The following C3orf22 variants were observed in gnomAD, a reference collection of about 807,000 sequenced individuals.
C3orf22 encodes chromosome 3 open reading frame 22, also known as uncharacterized protein C3orf22.
C3orf22 carries 7 observed loss-of-function variants against 10.8 expected under a neutral mutation model. The observed-to-expected ratio is 0.65, with a 90% confidence interval of 0.37 to 1.22. The LOEUF (loss-of-function observed/expected upper bound fraction) is 1.22, where lower values mean the gene tolerates loss of function less well. Ranked by LOEUF, C3orf22 falls within the 50% of genes most tolerant of loss-of-function variation. The probability of loss-of-function intolerance (pLI) is 0.02; values close to 1 mark genes in which losing one functional copy is unlikely to be tolerated. For synonymous variants in C3orf22, 79 were observed against 78.9 expected, an observed-to-expected ratio of 1.00 and a Z score of 0.00; for missense variants, 173 against 177.0, an observed-to-expected ratio of 0.98 and a Z score of 0.13.
At chr3:126,544,910 C>T (rs1559751394), downstream of C3orf22, among the ~76,000 whole-genome samples, 1 of 152,272 alleles carries the variant, frequency 6.6e-6, no homozygotes, top group South Asian at 2.1e-4. Context: ...TGTGCAGGGC[C>T]ACAGCCCAGG....
At chr3:126,542,815 G>C (rs775826869) in intron 4 of C3orf22, 126 of 454,696 alleles carry the variant, frequency 2.8e-4, no homozygotes, top group Admixed American at 1.7e-3. Flanking sequence ...TCCTCCACTT[G>C]CTCCAGCTGA....
Position 126,539,625 on chromosome 3 carries a change from ACACACACACCCCACACAC to A in C3orf22, c.286+9894_286+9911del, listed in dbSNP as rs796124081. On this transcript the variant is annotated intron_variant and NMD_transcript_variant, in intron 4 of 5. Coordinates refer to the C3orf22 transcript ENST00000505070. ...ACACACTCCACACCACACACACAGC[ACACACACACCCCACACAC>A]CACACACACCCCACACTATACACAC... 1.6e-4 allele frequency among the ~76,000 whole-genome samples: 21 copies of A among 133,534 alleles called. No homozygotes were observed. In the South Asian group the frequency reaches 3.8e-3, roughly 24 times the overall value. The allele number at this position is 133,534 out of a possible 152,430, so 87.6% of individuals were successfully genotyped here.
intron 4 of C3orf22, among the ~76,000 whole-genome samples, chr3:126,544,098 G>A (rs186213520): frequency 5.8e-4 from 88 of 152,372 alleles, no homozygotes; most frequent in African/African-American, 2.0e-3. Context: ...GGTCATGAGA[G>A]CTCTTCCCTC....
In C3orf22 at chr3:126,536,435, C is replaced by T. The variant is rs569497772; in HGVS notation, c.287-7063G>A. On this transcript the variant is annotated intron_variant and NMD_transcript_variant, in intron 4 of 5. Coordinates refer to the C3orf22 transcript ENST00000505070. ...GACAGCAACAGTGCAGACCTGCTGG[C>T]ATGAGACTGGACCCCACACTGGGGC... 1.5e-4 allele frequency: 159 copies of T among 1,078,434 alleles called. 3 individuals carry two copies. The South Asian group carries it at 2.1e-3, about 14-fold the overall frequency. The allele number at this position is 1,078,434 out of a possible 1,614,324, so 66.8% of individuals were successfully genotyped here.
At chr3:126,548,139 C>A (rs940710503), downstream of C3orf22, among the ~76,000 whole-genome samples, 8 of 152,344 alleles carry the variant, frequency 5.3e-5, no homozygotes, top group African/African-American at 1.9e-4. Flanking sequence ...GCATCACAGG[C>A]GTATGCCACC....
At chr3:126,553,774 G>T (rs1386289564) in intron 1 of C3orf22, among the ~76,000 whole-genome samples, 1 of 152,172 alleles carries the variant, frequency 6.6e-6, no homozygotes, top group Admixed American at 6.5e-5. Flanking sequence ...CTGCACACGA[G>T]GTGTGTTTCT....
At chr3:126,529,056 C>T (rs1004603964) in intron 5 of C3orf22, 11 of 355,022 alleles carry the variant, frequency 3.1e-5, no homozygotes, top group Non-Finnish European at 4.5e-5. Flanking sequence ...AACCAGAAGC[C>T]GAGTGTCATC....
downstream of C3orf22, chr3:126,549,645 G>C (rs569044344): frequency 1.4e-4 from 206 of 1,503,646 alleles, no homozygotes; most frequent in South Asian, 5.6e-4. Flanking sequence ...TTTTAGAGAT[G>C]AGAAAATGAA....
intron 4 of C3orf22, among the ~76,000 whole-genome samples, chr3:126,533,458 C>T (rs1334908353): frequency 2.0e-5 from 3 of 152,116 alleles, no homozygotes; most frequent in Admixed American, 6.5e-5. Flanking sequence ...TTGTCCTATG[C>T]TTTTTCTGCA....
intron 1 of C3orf22, among the ~76,000 whole-genome samples, chr3:126,554,857 T>C (rs1020318976): frequency 2.0e-5 from 3 of 152,162 alleles, no homozygotes; most frequent in Non-Finnish European, 4.4e-5. Flanking sequence ...TCTGGGGGGC[T>C]GGGTCCTTGT....
intron 4 of C3orf22, among the ~76,000 whole-genome samples, chr3:126,533,187 T>G (rs577103015): frequency 6.6e-6 from 1 of 152,264 alleles, no homozygotes; most frequent in African/African-American, 2.4e-5. Flanking sequence ...ATAGACAAAG[T>G]TTTACTTATT....
chr3:126,553,452 C>A, intron 1 of C3orf22, 22 bp from the exon 2 acceptor site: 3 of 1,357,522 alleles, frequency 2.2e-6, no homozygotes, highest in Non-Finnish European at 3.1e-6. Context: ...GAGGAGGCGT[C>A]AGAGGGGGCA....
intron 4 of C3orf22, among the ~76,000 whole-genome samples, chr3:126,543,557 C>G (rs1937017504): frequency 6.6e-6 from 1 of 152,124 alleles, no homozygotes; most frequent in Non-Finnish European, 1.5e-5. Flanking sequence ...ACTCTTTCAC[C>G]CTGACCTGGG....
chr3:126,555,956 G>A (rs925150070), intron 1 of C3orf22, among the ~76,000 whole-genome samples: 7 of 152,168 alleles, frequency 4.6e-5, no homozygotes, highest in Non-Finnish European at 1.5e-5. Flanking sequence ...TCCCACATCT[G>A]GTGGGCAACA....
downstream of C3orf22, among the ~76,000 whole-genome samples, chr3:126,548,833 A>C (rs1323867218): frequency 6.6e-6 from 1 of 152,070 alleles, no homozygotes; most frequent in African/African-American, 2.4e-5. Flanking sequence ...TTTTCATCAC[A>C]AGGGTCCTCA....
At position 126,553,299 on chromosome 3, in the gene C3orf22, C is replaced by T. The variant is rs1937245208; in HGVS notation, c.89+3G>A. 9 of 1,610,352 alleles carry T rather than the reference C, an allele frequency of 5.6e-6. No individual in the cohort carries two copies. In the East Asian group the frequency reaches 1.3e-4, roughly 24 times the overall value. On this transcript the variant is annotated splice_donor_region_variant and intron_variant, in intron 2 of 3. Transcript: ENST00000318225. ...TGTCTCCAGAGGTGTCAGCCTCCCG[C>T]ACCTGTACGGAAACTTCTTGGCAAA...
intron 4 of C3orf22, among the ~76,000 whole-genome samples, chr3:126,536,508 A>C (rs1936793944): frequency 6.6e-6 from 1 of 152,134 alleles, no homozygotes; most frequent in Admixed American, 6.5e-5. Context: ...GAGCAGTGAC[A>C]AGGGCAAATC....
At chr3:126,533,232 C>G (rs1019182876) in intron 4 of C3orf22, among the ~76,000 whole-genome samples, 1 of 152,020 alleles carries the variant, frequency 6.6e-6, no homozygotes, top group African/African-American at 2.4e-5. Context: ...TTTATTTTCC[C>G]TGCCCAATTA....
chr3:126,536,898 C>T (rs955468723), intron 4 of C3orf22, among the ~76,000 whole-genome samples: 4 of 101,178 alleles, frequency 4.0e-5, no homozygotes, highest in Admixed American at 8.7e-5. Flanking sequence ...CACACACAAA[C>T]ACACACACAC....
Sources: gnomAD v4.1 joint callset for allele counts (sites outside exome capture counted in the v4.1 genomes callset) on GRCh38, gnomAD v4.1.1 for gene constraint, MANE v1.5 for transcripts, NCBI Gene and HGNC (gene_info 2026-07-23, HGNC 2026-07-21) for gene names.